The following SCAF8 variants were observed in gnomAD, a reference collection of about 807,000 sequenced individuals.
SCAF8 encodes SR-related CTD associated factor 8, also known as SR-related and CTD-associated factor 8.
A neutral mutation model predicts 140.5 loss-of-function variants in SCAF8; 23 were observed. That is an observed-to-expected ratio of 0.16 (90% CI 0.12 to 0.23). The LOEUF is 0.23. Among genes scored for constraint, SCAF8 ranks in the 10% least tolerant of loss-of-function variants. The pLI is 1.00. For missense variants in SCAF8, 1,397 were observed against 1,555.7 expected, an observed-to-expected ratio of 0.90 and a Z score of 1.72; for synonymous variants, 575 against 528.9, an observed-to-expected ratio of 1.09 and a Z score of -1.20.
At chr6:154,793,919 G>GTGTGTGTGTATT (rs1777504967) in intron 5 of SCAF8, among the ~76,000 whole-genome samples, 1 of 151,084 alleles carries the variant, frequency 6.6e-6, no homozygotes, top group Admixed American at 6.6e-5. Flanking sequence ...GTGTGTGTAT[G>GTGTGTGTGTATT]AACAAAAATT....
rs1380164059 is a variant in SCAF8 at position 154,773,980 on chromosome 6, T to C, written c.31-9T>C. 1 of 1,593,104 alleles carries C rather than the reference T, an allele frequency of 6.3e-7. No homozygotes were observed. The highest frequency in any genetic ancestry group is 8.6e-7 in the Non-Finnish European group (1 of 1,165,562). On this transcript the variant is annotated splice_polypyrimidine_tract_variant and intron_variant, in intron 1 of 19. Transcript: ENST00000367178. Reference sequence around the variant, plus strand: ...TTTGCTGTATGTAAATTTGTTCTTTTTTCATCAGTTGTATTCCCTGAATGA... The same window carrying C: ...TTTGCTGTATGTAAATTTGTTCTTTCTTCATCAGTTGTATTCCCTGAATGA...
chr6:154,809,021 T>G (rs1342860812), intron 11 of SCAF8, among the ~76,000 whole-genome samples: 1 of 152,214 alleles, frequency 6.6e-6, no homozygotes, highest in Non-Finnish European at 1.5e-5. Flanking sequence ...AGCCATATCA[T>G]GAGACAGGGA....
intron 4 of SCAF8, among the ~76,000 whole-genome samples, chr6:154,789,837 G>A (rs1361435426): frequency 1.3e-5 from 2 of 152,156 alleles, no homozygotes; most frequent in African/African-American, 2.4e-5. Context: ...GAGCCACCGC[G>A]CCTGGCCTAG....
chr6:154,756,256 C>T (rs1282750905), intron 1 of SCAF8, among the ~76,000 whole-genome samples: 1 of 152,108 alleles, frequency 6.6e-6, no homozygotes, highest in East Asian at 1.9e-4. Flanking sequence ...AAGTTTAATA[C>T]ATATATTTTG....
intron 1 of SCAF8, among the ~76,000 whole-genome samples, chr6:154,744,627 T>C (rs1295641215): frequency 1.3e-5 from 2 of 152,196 alleles, no homozygotes; most frequent in Non-Finnish European, 2.9e-5. Flanking sequence ...TAGAAGGACC[T>C]AGTTCTCAAC....
intron 1 of SCAF8, among the ~76,000 whole-genome samples, chr6:154,747,630 C>G (rs1385672192): frequency 2.0e-5 from 3 of 152,162 alleles, no homozygotes; most frequent in African/African-American, 7.2e-5. Context: ...AACCCGAGAA[C>G]TTGATTAATA....
Position 154,808,806 on chromosome 6 carries a change from A to C in SCAF8, c.1226+8A>C. ...TTCACGATCTCGTTCAAGGTTCTAC[A>C]ATGATATTTAATAATAGCCGTGTGT... On this transcript the variant is annotated splice_region_variant and intron_variant, in intron 11 of 19. Transcript: ENST00000367178. 6.4e-7 allele frequency: 1 copy of C among 1,556,010 alleles called. No individual in the cohort carries two copies. The highest frequency in any genetic ancestry group is 8.9e-7 in the Non-Finnish European group (1 of 1,127,604).
chr6:154,805,638 A>G (rs1777891806), intron 9 of SCAF8, 152 bp downstream of exon 9: 2 of 423,150 alleles, frequency 4.7e-6, no homozygotes, highest in Non-Finnish European at 8.4e-6. Flanking sequence ...ATTTCTTTCT[A>G]AAGTTTGTTA....
chr6:154,813,835 G>A (rs1475696728), intron 12 of SCAF8, among the ~76,000 whole-genome samples: 1 of 152,146 alleles, frequency 6.6e-6, no homozygotes, highest in Non-Finnish European at 1.5e-5. Context: ...TTTGGGAAAT[G>A]TGGAGGTGGT....
At chr6:154,751,430 G>T (rs1286892783) in intron 1 of SCAF8, among the ~76,000 whole-genome samples, 1 of 152,006 alleles carries the variant, frequency 6.6e-6, no homozygotes, top group Non-Finnish European at 1.5e-5. Context: ...GTTTCTCCAC[G>T]TTGGTCAGGC....
intron 8 of SCAF8, among the ~76,000 whole-genome samples, chr6:154,805,146 T>TG (rs1777875547): frequency 6.6e-6 from 1 of 152,190 alleles, no homozygotes; most frequent in Non-Finnish European, 1.5e-5. Flanking sequence ...GCAGAGCATC[T>TG]CTGACACGTT....
chr6:154,752,110 A>G (rs1330413670), intron 1 of SCAF8, among the ~76,000 whole-genome samples: 1 of 152,198 alleles, frequency 6.6e-6, no homozygotes, highest in Non-Finnish European at 1.5e-5. Flanking sequence ...TGTGACTACT[A>G]CATTTAGATT....
chr6:154,815,875 A>G (rs1778233407), intron 13 of SCAF8, 59 bp downstream of exon 13: 1 of 974,544 alleles, frequency 1.0e-6, no homozygotes, highest in Admixed American at 1.9e-5. Flanking sequence ...ATTAATACAA[A>G]GAATCACTTC....
intron 3 of SCAF8, among the ~76,000 whole-genome samples, chr6:154,778,769 A>ATG (rs71021079): frequency 0.26 from 36,444 of 141,826 alleles, 4,549 homozygotes; most frequent in Middle Eastern, 0.41. Flanking sequence ...GTCTCAAAAA[A>ATG]TGTGTGTGTG....
intron 9 of SCAF8, among the ~76,000 whole-genome samples, chr6:154,805,697 C>T (rs1777893391): frequency 6.6e-6 from 1 of 151,292 alleles, no homozygotes; most frequent in Admixed American, 6.6e-5. Flanking sequence ...TTTTCAGGAC[C>T]TTTATGGTTT....
At chr6:154,819,269 T>A (rs1778345886) in intron 14 of SCAF8, among the ~76,000 whole-genome samples, 1 of 152,196 alleles carries the variant, frequency 6.6e-6, no homozygotes, top group Non-Finnish European at 1.5e-5. Flanking sequence ...GTGTCCCTAG[T>A]CTCCTCTGGA....
intron 6 of SCAF8, 56 bp downstream of exon 6, chr6:154,795,195 G>A (rs1583042432): frequency 1.4e-6 from 2 of 1,453,306 alleles, no homozygotes; most frequent in South Asian, 2.7e-5. Flanking sequence ...TTTTCCTAAT[G>A]TATTACTTTG....
chr6:154,801,577 CA>C (rs1777772444), intron 6 of SCAF8, among the ~76,000 whole-genome samples: 1 of 151,404 alleles, frequency 6.6e-6, no homozygotes, highest in Non-Finnish European at 1.5e-5. Context: ...CTCCAACTTT[CA>C]GGAAGTACGT....
At chr6:154,780,500 T>G (rs1777055560) in intron 3 of SCAF8, among the ~76,000 whole-genome samples, 1 of 152,034 alleles carries the variant, frequency 6.6e-6, no homozygotes, top group Non-Finnish European at 1.5e-5. Flanking sequence ...ATTAGCTATT[T>G]GTCCTAATGC....
Sources: gnomAD v4.1 joint callset for allele counts (sites outside exome capture counted in the v4.1 genomes callset) on GRCh38, gnomAD v4.1.1 for gene constraint, MANE v1.5 for transcripts, NCBI Gene and HGNC (gene_info 2026-07-23, HGNC 2026-07-21) for gene names.